Variants in PDZRN3 observed in about 807,000 individuals in gnomAD.
PDZRN3 encodes E3 ubiquitin-protein ligase PDZRN3.
A neutral mutation model predicts 85.7 loss-of-function variants in PDZRN3; 38 were observed. The observed-to-expected ratio is 0.44, with a 90% CI of 0.34 to 0.58. The LOEUF (loss-of-function observed/expected upper bound fraction) is 0.58, where lower values mean the gene tolerates loss of function less well. Ranked by LOEUF, PDZRN3 falls within the 20% of genes least tolerant of loss-of-function variation. The probability of loss-of-function intolerance (pLI) is 0.01; values close to 1 mark genes in which losing one functional copy is unlikely to be tolerated. For synonymous variants in PDZRN3, 759 were observed against 638.0 expected, an observed-to-expected ratio of 1.19 and a Z score of -2.86; for missense variants, 1,629 against 1,506.4, an observed-to-expected ratio of 1.08 and a Z score of -1.35.
At chr3:73,554,490 A>C (rs1167016723) in intron 3 of PDZRN3, among the ~76,000 whole-genome samples, 1 of 152,104 alleles carries the variant, frequency 6.6e-6, no homozygotes, top group African/African-American at 2.4e-5. Flanking sequence ...CTCTTCACAG[A>C]AGCATGGGCC....
chr3:73,551,150 T>A (rs1389780751), intron 3 of PDZRN3, among the ~76,000 whole-genome samples: 1 of 152,220 alleles, frequency 6.6e-6, no homozygotes, highest in Non-Finnish European at 1.5e-5. Context: ...TGCCAATTTT[T>A]AATTTAGGTT....
intron 6 of PDZRN3, among the ~76,000 whole-genome samples, chr3:73,390,654 TGAGA>T (rs1553683085): frequency 5.7e-5 from 8 of 140,044 alleles, no homozygotes; most frequent in South Asian, 2.4e-4. Context: ...TGTGTGTGTG[TGAGA>T]GAGAGAGAGA....
At chr3:73,388,930 C>CAAAAAAAAAAAAAAAAAAA (rs10675308) in intron 7 of PDZRN3, among the ~76,000 whole-genome samples, 1 of 67,670 alleles carries the variant, frequency 1.5e-5, no homozygotes, top group Non-Finnish European at 2.7e-5. Context: ...CTCCAGCAAT[C>CAAAAAAAAAAAAAAAAAAA]AAAAAAAAAA....
At chr3:73,464,844 C>A (rs1047064496) in intron 3 of PDZRN3, among the ~76,000 whole-genome samples, 6 of 151,800 alleles carry the variant, frequency 4.0e-5, no homozygotes, top group African/African-American at 1.5e-4. Context: ...ATATGCATTA[C>A]CTATCATAGT....
chr3:73,559,817 C>CA lies in PDZRN3; in HGVS notation c.918+42536dup, dbSNP rs1172845523. On this transcript the variant is annotated intron_variant, in intron 3 of 9. Coordinates refer to ENST00000263666, the MANE Select transcript of PDZRN3 (RefSeq NM_015009.3). Reference sequence around the variant, plus strand: ...CTGGAATATAGTTTCAATGTGTGTGCAATTAAAACAAAGCAAAATGAAAGC... The same window carrying CA: ...CTGGAATATAGTTTCAATGTGTGTGCAAATTAAAACAAAGCAAAATGAAAGC... 2.0e-5 allele frequency among the ~76,000 whole-genome samples: 3 copies of CA among 152,264 alleles called. No homozygotes were observed. The East Asian group carries it at 5.8e-4, about 29-fold the overall frequency.
In PDZRN3 at chr3:73,598,989, A is replaced by C. The variant is rs145158511; in HGVS notation, c.918+3365T>G. ...ACACGAAGAATCTCCTGCAATGAAG[A>C]ATGGTTCTGCCTCCAGCACAACTAT... On this transcript the variant is annotated intron_variant, in intron 3 of 9. Coordinates refer to ENST00000263666, the MANE Select transcript of PDZRN3 (RefSeq NM_015009.3). Among the ~76,000 whole-genome samples, 207 of 152,306 alleles carry C rather than the reference A, an allele frequency of 1.4e-3. 1 individual carries two copies. The highest frequency in any genetic ancestry group is 4.8e-3 in the African/African-American group (201 of 41,568).
chr3:73,586,569 T>C (rs963951846), intron 3 of PDZRN3, among the ~76,000 whole-genome samples: 2 of 152,218 alleles, frequency 1.3e-5, no homozygotes, highest in African/African-American at 4.8e-5. Flanking sequence ...AGCAGGGCCT[T>C]CCTTGATCTT....
chr3:73,408,594 G>C lies in PDZRN3; in HGVS notation c.919-4199C>G, dbSNP rs570765477. Among the ~76,000 whole-genome samples, 47 of 151,944 alleles carry C rather than the reference G, an allele frequency of 3.1e-4. No homozygotes were observed. The East Asian group carries it at 7.6e-3, about 24-fold the overall frequency. On this transcript the variant is annotated intron_variant, in intron 3 of 9. Transcript: ENST00000263666. ...GAGTTGGGATTCTTGGAGGAGGGGG[G>C]GGGGTGCAACAGAAAAATTTTACAG...
intron 3 of PDZRN3, among the ~76,000 whole-genome samples, chr3:73,598,692 G>A (rs1702468000): frequency 6.6e-6 from 1 of 152,190 alleles, no homozygotes; most frequent in Admixed American, 6.5e-5. Flanking sequence ...CACAGCCCCA[G>A]GACAGGCCAG....
At chr3:73,448,174 T>C (rs1702787793) in intron 3 of PDZRN3, among the ~76,000 whole-genome samples, 2 of 152,312 alleles carry the variant, frequency 1.3e-5, no homozygotes, top group East Asian at 3.9e-4. Context: ...GGGATCAGAC[T>C]GCCTAATTTC....
At chr3:73,556,728 G>A (rs1007774400) in intron 3 of PDZRN3, 26 of 152,264 alleles carry the variant, frequency 1.7e-4, no homozygotes, top group African/African-American at 6.3e-4. Context: ...GCAGCTCTTT[G>A]AAGAACACCA....
At chr3:73,396,314 A>G (rs1178034919) in intron 5 of PDZRN3, among the ~76,000 whole-genome samples, 1 of 152,204 alleles carries the variant, frequency 6.6e-6, no homozygotes, top group Non-Finnish European at 1.5e-5. Context: ...ATTTGGGAAA[A>G]GATTGAGGCA....
intron 5 of PDZRN3, among the ~76,000 whole-genome samples, chr3:73,391,685 TAA>T (rs1324497929): frequency 2.0e-5 from 3 of 152,190 alleles, no homozygotes; most frequent in Non-Finnish European, 4.4e-5. Context: ...GCAAATTAAA[TAA>T]GAGAAAAGCA....
chr3:73,464,398 G>A (rs1220620046), intron 3 of PDZRN3, among the ~76,000 whole-genome samples: 1 of 152,084 alleles, frequency 6.6e-6, no homozygotes, highest in African/African-American at 2.4e-5. Flanking sequence ...TATAGAAAGT[G>A]CACAGCTGAT....
At chr3:73,548,790 T>C (rs769606921) in intron 3 of PDZRN3, among the ~76,000 whole-genome samples, 5 of 151,968 alleles carry the variant, frequency 3.3e-5, no homozygotes, top group African/African-American at 7.2e-5. Context: ...GTCAAGAAAA[T>C]AGATTGTCGC....
chr3:73,574,141 C>T (rs13070837), intron 3 of PDZRN3, among the ~76,000 whole-genome samples: 9,687 of 152,218 alleles, frequency 0.064, 352 homozygotes, highest in Middle Eastern at 0.18. Context: ...AATGAGGGGG[C>T]TCTCGCCCTG....
intron 2 of PDZRN3, among the ~76,000 whole-genome samples, chr3:73,604,039 C>T (rs930486633): frequency 4.6e-5 from 7 of 152,302 alleles, no homozygotes; most frequent in Middle Eastern, 3.4e-3. Context: ...ATTCCATCAA[C>T]GCTCTTCCAA....
At chr3:73,475,048 GT>G (rs1703421580) in intron 3 of PDZRN3, among the ~76,000 whole-genome samples, 1 of 152,020 alleles carries the variant, frequency 6.6e-6, no homozygotes, top group Non-Finnish European at 1.5e-5. Context: ...GAATGAGCAA[GT>G]CCAGGCATTG....
intron 3 of PDZRN3, among the ~76,000 whole-genome samples, chr3:73,521,760 T>A (rs1314340872): frequency 2.0e-5 from 3 of 152,138 alleles, no homozygotes; most frequent in African/African-American, 7.2e-5. Flanking sequence ...AGAAAAACAT[T>A]TGTTTTGTCT....
Sources: gnomAD v4.1 joint callset for allele counts (sites outside exome capture counted in the v4.1 genomes callset) on GRCh38, gnomAD v4.1.1 for gene constraint, MANE v1.5 for transcripts, NCBI Gene and HGNC (gene_info 2026-07-23, HGNC 2026-07-21) for gene names.